Variants in ZMYM4 observed in about 807,000 individuals in gnomAD.
ZMYM4 encodes zinc finger MYM-type protein 4.
A neutral mutation model predicts 183.2 loss-of-function variants in ZMYM4; 31 were observed. That is an observed-to-expected ratio of 0.17 (90% CI 0.13 to 0.23). The LOEUF (loss-of-function observed/expected upper bound fraction) is 0.23. Ranked by LOEUF, ZMYM4 falls within the 10% of genes least tolerant of loss-of-function variation. The probability of loss-of-function intolerance (pLI) is 1.00; values close to 1 mark genes in which losing one functional copy is unlikely to be tolerated. For synonymous variants in ZMYM4, 592 were observed against 631.2 expected, an observed-to-expected ratio of 0.94 and a Z score of 0.93; for missense variants, 1,273 against 1,840.3, an observed-to-expected ratio of 0.69 and a Z score of 5.64.
At chr1:35,373,464 G>A (rs887418004) in intron 7 of ZMYM4, among the ~76,000 whole-genome samples, 6 of 147,600 alleles carry the variant, frequency 4.1e-5, no homozygotes, top group South Asian at 2.1e-4. Flanking sequence ...TGCAAGCTCC[G>A]CCTCCCAGGT....
At chr1:35,388,779 C>G (rs1570501870) in intron 13 of ZMYM4, 131 bp from the exon 14 acceptor site, 6 of 769,518 alleles carry the variant, frequency 7.8e-6, no homozygotes, top group Admixed American at 2.8e-5. Flanking sequence ...CTCAAGCACT[C>G]CTCCCGCCAG....
intron 1 of ZMYM4, among the ~76,000 whole-genome samples, chr1:35,300,446 C>A (rs1266357912): frequency 6.6e-6 from 1 of 152,144 alleles, no homozygotes; most frequent in Non-Finnish European, 1.5e-5. Context: ...CATTCTGATT[C>A]TGTGAGTATA....
chr1:35,404,028 C>G (rs1285209311), intron 23 of ZMYM4, among the ~76,000 whole-genome samples: 1 of 152,140 alleles, frequency 6.6e-6, no homozygotes, highest in East Asian at 1.9e-4. Flanking sequence ...GCCACTGCAC[C>G]CAGCCTGGGT....
intron 15 of ZMYM4, among the ~76,000 whole-genome samples, chr1:35,391,703 T>G (rs1226068549): frequency 6.6e-6 from 1 of 152,224 alleles, no homozygotes; most frequent in East Asian, 1.9e-4. Flanking sequence ...GTTGCCTTTT[T>G]TATGTAAAGA....
At chr1:35,381,468 C>G in intron 8 of ZMYM4, 35 bp downstream of exon 8, 2 of 1,607,420 alleles carry the variant, frequency 1.2e-6, no homozygotes, top group Non-Finnish European at 1.7e-6. Context: ...GGGCAGGAGT[C>G]TAATACGTTT....
At position 35,352,386 on chromosome 1, in the gene ZMYM4, G is replaced by GCGCGCACA. The variant is rs1231646476; in HGVS notation, c.86-6538_86-6537insGCGCACAC. Among the ~76,000 whole-genome samples, 567 of 128,468 alleles carry GCGCGCACA rather than the reference G, an allele frequency of 4.4e-3. 5 individuals carry two copies. Among genetic ancestry groups the GCGCGCACA allele is most frequent in the East Asian group, 0.025 (110 of 4,366 alleles). 84.3% of individuals were successfully genotyped at this position (128,468 alleles called of 152,430 possible). On this transcript the variant is annotated intron_variant, in intron 2 of 29. Transcript: ENST00000314607. ...CTCTACTAATAATTTAAAAATTAGCGCACACACACACACACACACACACAC... is the reference window on the plus strand; with the variant it reads ...CTCTACTAATAATTTAAAAATTAGCGCGCGCACACACACACACACACACACACACACAC...
intron 1 of ZMYM4, among the ~76,000 whole-genome samples, chr1:35,301,762 C>T (rs1453198320): frequency 6.6e-6 from 1 of 152,116 alleles, no homozygotes; most frequent in South Asian, 2.1e-4. Context: ...GTGTATCTCT[C>T]TCCTTTTTAG....
intron 1 of ZMYM4, among the ~76,000 whole-genome samples, chr1:35,303,304 GAAAAGA>G (rs1236734542): frequency 3.6e-5 from 2 of 55,946 alleles, no homozygotes; most frequent in Non-Finnish European, 2.8e-4. Context: ...AAAAAAAAAA[GAAAAGA>G]AAAAAAATTG....
chr1:35,414,423 C>CTGTT (rs1383363420), intron 27 of ZMYM4, among the ~76,000 whole-genome samples: 1 of 152,148 alleles, frequency 6.6e-6, no homozygotes, highest in Non-Finnish European at 1.5e-5. Context: ...GTATACTGAA[C>CTGTT]TGTTGTTAAG....
intron 2 of ZMYM4, among the ~76,000 whole-genome samples, chr1:35,329,937 TG>T (rs1642664633): frequency 6.6e-6 from 1 of 152,112 alleles, no homozygotes; most frequent in African/African-American, 2.4e-5. Context: ...ATTTCTTGGC[TG>T]GGCATGGTGG....
At chr1:35,291,812 A>G (rs1362886254) in intron 1 of ZMYM4, among the ~76,000 whole-genome samples, 3 of 151,600 alleles carry the variant, frequency 2.0e-5, no homozygotes, top group Non-Finnish European at 4.4e-5. Flanking sequence ...TACTTTTTGT[A>G]TTTTTAGTAG....
chr1:35,412,431 G>T (rs143626569), intron 26 of ZMYM4, among the ~76,000 whole-genome samples: 1 of 152,036 alleles, frequency 6.6e-6, no homozygotes, highest in Admixed American at 6.6e-5. Flanking sequence ...TAGGATTCGC[G>T]GTACAGTGTT....
At chr1:35,342,127 G>T (rs200690199) in intron 2 of ZMYM4, among the ~76,000 whole-genome samples, 1 of 151,890 alleles carries the variant, frequency 6.6e-6, no homozygotes, top group African/African-American at 2.4e-5. Flanking sequence ...GTCTGTTTTT[G>T]GTAGGTTGTA....
intron 1 of ZMYM4, among the ~76,000 whole-genome samples, chr1:35,276,106 T>C (rs1639859886): frequency 6.6e-6 from 1 of 152,156 alleles, no homozygotes; most frequent in Non-Finnish European, 1.5e-5. Flanking sequence ...CCAGCACATA[T>C]CAAGAATCAT....
At chr1:35,331,806 A>ATAAG (rs1197703307) in intron 2 of ZMYM4, among the ~76,000 whole-genome samples, 2 of 133,308 alleles carry the variant, frequency 1.5e-5, no homozygotes, top group Non-Finnish European at 3.5e-5. Flanking sequence ...ACATAAATAA[A>ATAAG]TAAATAAATA....
At chr1:35,310,039 C>T (rs1641724508) in intron 1 of ZMYM4, among the ~76,000 whole-genome samples, 1 of 151,358 alleles carries the variant, frequency 6.6e-6, no homozygotes, top group Non-Finnish European at 1.5e-5. Flanking sequence ...AAGCGATTCT[C>T]CTGCCTCAGG....
chr1:35,390,388 C>T (rs746222272), intron 15 of ZMYM4, among the ~76,000 whole-genome samples: 45 of 148,224 alleles, frequency 3.0e-4, no homozygotes, highest in African/African-American at 5.8e-4. Context: ...GGGGTGGGGC[C>T]GTTTTATAAG....
chr1:35,408,676 G>A (rs139136263), intron 26 of ZMYM4, among the ~76,000 whole-genome samples: 1 of 152,196 alleles, frequency 6.6e-6, no homozygotes, highest in South Asian at 2.1e-4. Flanking sequence ...GTTTAAGGCT[G>A]CAGTAAGCCA....
chr1:35,392,530 TAA>T, intron 16 of ZMYM4, 115 bp from the exon 17 acceptor site: 1 of 1,298,920 alleles, frequency 7.7e-7, no homozygotes, highest in Non-Finnish European at 1.1e-6. Context: ...TCCGTTGAAT[TAA>T]AAAAACACAT....
Sources: allele counts gnomAD v4.1 joint callset (sites outside exome capture counted in the v4.1 genomes callset), GRCh38; gene constraint gnomAD v4.1.1; transcripts MANE v1.5; gene names NCBI Gene and HGNC (gene_info 2026-07-23, HGNC 2026-07-21).